The following PCDH9 variants were observed in gnomAD, a reference collection of about 807,000 sequenced individuals.
PCDH9 encodes the protein protocadherin-9.
In PCDH9, 24 loss-of-function variants were observed where a neutral mutation model predicts 70.6. The observed-to-expected ratio is 0.34, with a 90% CI of 0.25 to 0.48. PCDH9 has a LOEUF of 0.48. Among genes scored for constraint, PCDH9 ranks in the 20% least tolerant of loss-of-function variants. The pLI is 0.99. For missense variants in PCDH9, 1,281 were observed against 1,503.6 expected, an observed-to-expected ratio of 0.85 and a Z score of 2.45; for synonymous variants, 562 against 558.5, an observed-to-expected ratio of 1.01 and a Z score of -0.09.
At chr13:66,340,851 T>C (rs1051363787) in intron 4 of PCDH9, among the ~76,000 whole-genome samples, 12 of 152,016 alleles carry the variant, frequency 7.9e-5, no homozygotes, top group Admixed American at 3.9e-4. Context: ...TAGAAATTAT[T>C]GTATTAGTAG....
intron 4 of PCDH9, among the ~76,000 whole-genome samples, chr13:66,446,461 G>A (rs888896448): frequency 6.6e-6 from 1 of 151,970 alleles, no homozygotes; most frequent in African/African-American, 2.4e-5. Context: ...GGAAAAAGAA[G>A]ACCCAAAATG....
Position 67,227,683 on chromosome 13 carries a change from T to C in PCDH9, c.758A>G (p.Lys253Arg), listed in dbSNP as rs764837009. 1 of 1,614,064 alleles carries C rather than the reference T, an allele frequency of 6.2e-7. No homozygotes were observed. Among genetic ancestry groups the C allele is most frequent in the South Asian group, 1.1e-5 (1 of 91,074 alleles). The change falls in exon 2 of 5, where the codon AAA (lysine) becomes AGA (arginine). Residue 253 changes from lysine (K) to arginine (R), a missense_variant. Transcript: ENST00000377865. This position sits in a 1 kb window ranked among gnomAD's most constrained non-coding sequence, Gnocchi z 4.6. ...AATATGCACCTCCACTTGACCCTCT[T>C]TAAACACTGGCCTGTTGTCATTTAC... The part of the protein sequence containing the change: ...SDVNDNRPVF[K>R]EGQVEVHIPE...
chr13:66,609,354 T>C (rs1007726555), intron 4 of PCDH9, among the ~76,000 whole-genome samples: 1 of 152,138 alleles, frequency 6.6e-6, no homozygotes, highest in East Asian at 1.9e-4. Context: ...TTTGCTAACT[T>C]AAAATGTTTT....
At chr13:66,786,887 A>G (rs2080088800) in intron 3 of PCDH9, among the ~76,000 whole-genome samples, 1 of 152,210 alleles carries the variant, frequency 6.6e-6, no homozygotes, top group African/African-American at 2.4e-5. Flanking sequence ...TAAGGAGAAG[A>G]AAAAATAAAA....
In PCDH9 at chr13:67,154,603, TATACAC is replaced by T. The variant is rs1482155110; in HGVS notation, c.3036+70796_3036+70801del. 3.9e-3 allele frequency among the ~76,000 whole-genome samples: 334 copies of T among 84,774 alleles called. 4 individuals carry two copies. Among genetic ancestry groups the T allele is most frequent in the African/African-American group, 0.015 (306 of 20,348 alleles). 55.6% of individuals were successfully genotyped at this position (84,774 alleles called of 152,430 possible). On this transcript the variant is annotated intron_variant, in intron 2 of 4. Transcript: ENST00000377865. ...AAAAAAAAAAAAAAAAAAATATATA[TATACAC>T]ACACACACACACACACACACACACA...
At chr13:67,024,633 G>A (rs550784758) in intron 2 of PCDH9, among the ~76,000 whole-genome samples, 23 of 151,982 alleles carry the variant, frequency 1.5e-4, no homozygotes, top group African/African-American at 5.3e-4. Flanking sequence ...TATGACACTG[G>A]TAGCTTGAAA....
intron 3 of PCDH9, among the ~76,000 whole-genome samples, chr13:66,787,523 G>A (rs1037439050): frequency 2.6e-5 from 4 of 151,978 alleles, no homozygotes; most frequent in Non-Finnish European, 2.9e-5. Context: ...GGTTGAGGCA[G>A]GAGAATTGCT....
chr13:66,845,100 GC>G (rs1417172005), intron 3 of PCDH9, among the ~76,000 whole-genome samples: 3 of 152,088 alleles, frequency 2.0e-5, no homozygotes, highest in Non-Finnish European at 4.4e-5. Flanking sequence ...CTGCAGCCAG[GC>G]CCCCAGCCTT....
chr13:66,999,989 C>A (rs1190554655), intron 2 of PCDH9, among the ~76,000 whole-genome samples: 1 of 152,132 alleles, frequency 6.6e-6, no homozygotes, highest in Non-Finnish European at 1.5e-5. Flanking sequence ...TGGGTATATA[C>A]CCAAAGGGCT....
chr13:66,633,498 T>C (rs2057460), intron 3 of PCDH9, among the ~76,000 whole-genome samples: 148,534 of 152,230 alleles, frequency 0.98, 72,576 homozygotes, highest in East Asian at 1. Flanking sequence ...ATGCCCTCAA[T>C]CTATCAATAT....
chr13:66,803,920 T>A (rs981151621), intron 3 of PCDH9, among the ~76,000 whole-genome samples: 12 of 152,280 alleles, frequency 7.9e-5, no homozygotes, highest in African/African-American at 2.9e-4. Flanking sequence ...AAGTGATCTG[T>A]GTGATTTTCT....
intron 4 of PCDH9, among the ~76,000 whole-genome samples, chr13:66,333,962 T>G (rs78008775): frequency 0.038 from 5,712 of 152,220 alleles, 181 homozygotes; most frequent in Admixed American, 0.09. Context: ...GATATTTTGA[T>G]ACATGCATAC....
intron 2 of PCDH9, among the ~76,000 whole-genome samples, chr13:67,055,179 A>T (rs1327807146): frequency 1.3e-5 from 2 of 152,196 alleles, no homozygotes; most frequent in Non-Finnish European, 2.9e-5. Context: ...ATACTAAAAA[A>T]TTATTCTTAT....
intron 3 of PCDH9, among the ~76,000 whole-genome samples, chr13:66,655,580 T>C (rs2077917480): frequency 6.6e-6 from 1 of 151,968 alleles, no homozygotes; most frequent in African/African-American, 2.4e-5. Flanking sequence ...AATCTGAGTG[T>C]AAAATGATTT....
At chr13:66,873,940 C>CTTTTT (rs528441546) in intron 3 of PCDH9, among the ~76,000 whole-genome samples, 161 of 111,072 alleles carry the variant, frequency 1.4e-3, no homozygotes, top group East Asian at 2.5e-3. Context: ...TTCTTTCTTT[C>CTTTTT]TTTTTTTTTT....
At chr13:66,636,551 G>A (rs1320850583) in intron 3 of PCDH9, among the ~76,000 whole-genome samples, 2 of 151,964 alleles carry the variant, frequency 1.3e-5, no homozygotes, top group Non-Finnish European at 2.9e-5. Context: ...TTGTCCAATG[G>A]AATGTTATAC....
chr13:67,123,311 C>A (rs2086912379), intron 2 of PCDH9, among the ~76,000 whole-genome samples: 1 of 152,166 alleles, frequency 6.6e-6, no homozygotes, highest in African/African-American at 2.4e-5. Flanking sequence ...GATGTAAACA[C>A]CTAGAGCTCC....
intron 3 of PCDH9, among the ~76,000 whole-genome samples, chr13:66,878,993 A>G (rs993051632): frequency 6.6e-6 from 1 of 152,218 alleles, no homozygotes; most frequent in Non-Finnish European, 1.5e-5. Context: ...ACGTACGATT[A>G]TGATACACTG....
intron 4 of PCDH9, among the ~76,000 whole-genome samples, chr13:66,316,758 C>T (rs554544151): frequency 1.2e-4 from 18 of 152,036 alleles, no homozygotes; most frequent in Non-Finnish European, 1.9e-4. Context: ...ATTCTCACTC[C>T]GTTTTCCAGG....
Sources: allele counts gnomAD v4.1 joint callset (sites outside exome capture counted in the v4.1 genomes callset), GRCh38; gene constraint gnomAD v4.1.1; non-coding constraint Gnocchi (gnomAD v3.1); transcripts MANE v1.5; gene names NCBI Gene and HGNC (gene_info 2026-07-23, HGNC 2026-07-21).